Variants in PDE4D observed in about 807,000 individuals in gnomAD.
PDE4D encodes phosphodiesterase 4D, also known as 3',5'-cyclic-AMP phosphodiesterase 4D.
In PDE4D, 24 loss-of-function variants were observed where a neutral mutation model predicts 87.4. That is an observed-to-expected ratio of 0.27 (90% CI 0.20 to 0.39). The LOEUF (loss-of-function observed/expected upper bound fraction) is 0.39. PDE4D is among the 10% of genes least tolerant of loss of function. The pLI is 1.00. For synonymous variants in PDE4D, 384 were observed against 383.2 expected (o/e 1.00, Z -0.02); for missense variants, 714 against 1,041.0 (o/e 0.69, Z 4.32).
At chr5:59,430,500 T>C (rs2153631453) in intron 1 of PDE4D, 3 of 1,106,370 alleles carry the variant, frequency 2.7e-6, no homozygotes, top group South Asian at 4.6e-5. Flanking sequence ...ACATGTCAGA[T>C]AATAGATTTC....
chr5:59,144,208 C>T (rs557261025), intron 5 of PDE4D, among the ~76,000 whole-genome samples: 4 of 152,280 alleles, frequency 2.6e-5, no homozygotes, highest in East Asian at 3.9e-4. Flanking sequence ...CAAAGCCAAA[C>T]GTGCTGTGGG....
intron 1 of PDE4D, among the ~76,000 whole-genome samples, chr5:60,382,026 A>C (rs184737863): frequency 1.3e-5 from 2 of 152,324 alleles, no homozygotes; most frequent in Non-Finnish European, 2.9e-5. Context: ...TATACTTTTC[A>C]CAGGAAATAT....
intron 1 of PDE4D, among the ~76,000 whole-genome samples, chr5:60,315,646 C>G (rs1042235583): frequency 6.6e-6 from 1 of 152,138 alleles, no homozygotes; most frequent in African/African-American, 2.4e-5. Context: ...TTTAATCCAC[C>G]TTGAATTAAT....
chr5:60,369,722 CA>C (rs1760854998), intron 1 of PDE4D, among the ~76,000 whole-genome samples: 1 of 152,106 alleles, frequency 6.6e-6, no homozygotes, highest in Non-Finnish European at 1.5e-5. Flanking sequence ...AAGACCCCAA[CA>C]TATGAAAGCC....
chr5:59,181,424 C>A (rs1042444916), intron 4 of PDE4D, among the ~76,000 whole-genome samples: 6 of 151,318 alleles, frequency 4.0e-5, no homozygotes, highest in African/African-American at 1.5e-4. Context: ...AAAAGAATAT[C>A]ATTTATAAAG....
intron 1 of PDE4D, chr5:60,521,854 A>G (rs1281969243): frequency 6.6e-6 from 1 of 152,064 alleles, no homozygotes; most frequent in African/African-American, 2.4e-5. Flanking sequence ...AAATCTGGCC[A>G]AGAGCTCAGC....
At chr5:59,153,957 T>G (rs33950471) in intron 5 of PDE4D, among the ~76,000 whole-genome samples, 29,579 of 151,890 alleles carry the variant, frequency 0.19, 3,167 homozygotes, top group African/African-American at 0.29. Flanking sequence ...GAGTTTTAGA[T>G]GGTGAGAAGA....
In PDE4D at chr5:59,345,658, T is replaced by C. The variant is rs76639887; in HGVS notation, c.456-129690A>G. ...GCATAAATAAAAGGCATGATGACATTGTTATTACAGGCAAACATTTTTTAA... is the reference window on the plus strand; with the variant it reads ...GCATAAATAAAAGGCATGATGACATCGTTATTACAGGCAAACATTTTTTAA... On this transcript the variant is annotated intron_variant, in intron 1 of 14. Coordinates refer to ENST00000340635, the MANE Select transcript of PDE4D (RefSeq NM_001104631.2). Among the ~76,000 whole-genome samples, 17 of 152,268 alleles carry C rather than the reference T, an allele frequency of 1.1e-4. No individual in the cohort carries two copies. The East Asian group carries it at 2.9e-3, about 26-fold the overall frequency.
At chr5:59,479,258 C>A (rs918122976) in intron 1 of PDE4D, among the ~76,000 whole-genome samples, 1 of 151,966 alleles carries the variant, frequency 6.6e-6, no homozygotes, top group Admixed American at 6.6e-5. Flanking sequence ...CTTTACAATG[C>A]TCCCTGGAGA....
At chr5:59,977,777 C>T (rs990232009) in intron 3 of PDE4D, among the ~76,000 whole-genome samples, 2 of 152,136 alleles carry the variant, frequency 1.3e-5, no homozygotes, top group African/African-American at 4.8e-5. Context: ...TGCCTGGCTT[C>T]AAAGCTTCAA....
chr5:60,066,021 C>T (rs566116795), intron 2 of PDE4D, among the ~76,000 whole-genome samples: 1 of 152,304 alleles, frequency 6.6e-6, no homozygotes, highest in Admixed American at 6.5e-5. Context: ...CTGACTTCCA[C>T]AATGGTTGAA....
chr5:60,293,406 C>T (rs538781110), intron 1 of PDE4D, among the ~76,000 whole-genome samples: 2 of 151,984 alleles, frequency 1.3e-5, no homozygotes, highest in African/African-American at 2.4e-5. Flanking sequence ...CCCAGCTACT[C>T]GGGAGGCTGA....
chr5:59,650,859 G>GA (rs1743341435), intron 1 of PDE4D, among the ~76,000 whole-genome samples: 1 of 152,062 alleles, frequency 6.6e-6, no homozygotes, highest in Non-Finnish European at 1.5e-5. Flanking sequence ...AAATAAAGAA[G>GA]AAAAAATGTG....
intron 5 of PDE4D, among the ~76,000 whole-genome samples, chr5:59,079,234 A>C (rs1424333521): frequency 6.6e-6 from 1 of 152,250 alleles, no homozygotes; most frequent in Non-Finnish European, 1.5e-5. Context: ...AATTTTAAAA[A>C]TATTTTATGA....
intron 1 of PDE4D, among the ~76,000 whole-genome samples, chr5:59,272,416 G>T (rs28055): frequency 0.2 from 30,885 of 151,964 alleles, 3,495 homozygotes; most frequent in Non-Finnish European, 0.25. Context: ...GACTAAATCT[G>T]AATTTAAGAT....
intron 6 of PDE4D, among the ~76,000 whole-genome samples, chr5:58,994,639 TTTAA>T (rs1748750473): frequency 6.6e-6 from 1 of 152,196 alleles, no homozygotes; most frequent in African/African-American, 2.4e-5. Flanking sequence ...ATTCTTAGTA[TTTAA>T]TTATTTAGAA....
rs545045441 is a variant in PDE4D at position 59,307,678 on chromosome 5, T to A, written c.456-91710A>T. On this transcript the variant is annotated intron_variant, in intron 1 of 14. Transcript: ENST00000340635. ...ACAATGAGATACCATCTCACATCAGTTAGAATGGCAATCATTCAAAAGTCA... is the reference window on the plus strand; with the variant it reads ...ACAATGAGATACCATCTCACATCAGATAGAATGGCAATCATTCAAAAGTCA... Among the ~76,000 whole-genome samples, 1,327 of 151,044 alleles carry A rather than the reference T, an allele frequency of 8.8e-3. 28 individuals carry two copies. The highest frequency in any genetic ancestry group is 0.03 in the African/African-American group (1,237 of 40,900).
At chr5:59,713,458 G>A (rs988626769) in intron 1 of PDE4D, among the ~76,000 whole-genome samples, 3 of 152,170 alleles carry the variant, frequency 2.0e-5, no homozygotes, top group Non-Finnish European at 4.4e-5. Flanking sequence ...CCTATGGTTT[G>A]CACCTACGGC....
chr5:59,824,936 CTCTT>C (rs1426886886), intron 1 of PDE4D, among the ~76,000 whole-genome samples: 1 of 152,128 alleles, frequency 6.6e-6, no homozygotes, highest in Non-Finnish European at 1.5e-5. Context: ...TAGAGGTGTC[CTCTT>C]TCTTTGTCTC....
Sources: gnomAD v4.1 joint callset for allele counts (sites outside exome capture counted in the v4.1 genomes callset) on GRCh38, gnomAD v4.1.1 for gene constraint, MANE v1.5 for transcripts, NCBI Gene and HGNC (gene_info 2026-07-23, HGNC 2026-07-21) for gene names.